The following GLIS3 variants were observed in gnomAD, a reference collection of about 807,000 sequenced individuals.
GLIS3 encodes zinc finger protein GLIS3.
Under a neutral mutation model 78.6 loss-of-function variants are expected in GLIS3, and 53 were observed. That is an observed-to-expected ratio of 0.67 (90% CI 0.54 to 0.85). GLIS3 has a LOEUF of 0.85. Among genes scored for constraint, GLIS3 ranks in the 40% least tolerant of loss-of-function variants. The pLI is 0.00. For synonymous variants in GLIS3, 684 were observed against 509.9 expected, an observed-to-expected ratio of 1.34 and a Z score of -4.60; for missense variants, 1,703 against 1,231.1, an observed-to-expected ratio of 1.38 and a Z score of -5.74.
At chr9:4,075,174 G>A (rs1020428097) in intron 4 of GLIS3, among the ~76,000 whole-genome samples, 3 of 150,522 alleles carry the variant, frequency 2.0e-5, no homozygotes, top group African/African-American at 7.5e-5. Context: ...ATGGTACCAC[G>A]AGTGTATGCA....
chr9:3,841,035 G>T (rs865899725), intron 9 of GLIS3, among the ~76,000 whole-genome samples: 2 of 152,146 alleles, frequency 1.3e-5, no homozygotes, highest in African/African-American at 4.8e-5. Context: ...GGGCAGAGCA[G>T]GTGGCTAAAA....
At chr9:4,205,928 T>C (rs1819835008) in intron 2 of GLIS3, among the ~76,000 whole-genome samples, 2 of 152,230 alleles carry the variant, frequency 1.3e-5, no homozygotes, top group Admixed American at 6.5e-5. Flanking sequence ...GGATCAGGTG[T>C]GGTCAACAGG....
chr9:4,215,817 T>A (rs777209671), intron 2 of GLIS3, among the ~76,000 whole-genome samples: 1 of 152,228 alleles, frequency 6.6e-6, no homozygotes, highest in Non-Finnish European at 1.5e-5. Context: ...AGTATGACAA[T>A]ACTTGGTTGG....
the GLIS3 span, among the ~76,000 whole-genome samples, chr9:4,368,571 T>A: frequency 6.6e-6 from 1 of 152,208 alleles, no homozygotes; most frequent in Non-Finnish European, 1.5e-5. Context: ...CAGGATGGTC[T>A]CCATCTCCTG....
the GLIS3 span, among the ~76,000 whole-genome samples, chr9:4,381,779 TA>T: frequency 1.3e-5 from 2 of 152,252 alleles, no homozygotes; most frequent in Non-Finnish European, 2.9e-5. Context: ...ACTCCTTTAC[TA>T]CCTGGCTTTC....
chr9:3,830,334 C>T (rs1817973050), intron 9 of GLIS3, among the ~76,000 whole-genome samples: 1 of 152,104 alleles, frequency 6.6e-6, no homozygotes, highest in South Asian at 2.1e-4. Flanking sequence ...TTTAAGTCAA[C>T]AGATTATTTT....
chr9:4,078,042 G>A (rs1292900503), intron 4 of GLIS3, among the ~76,000 whole-genome samples: 1 of 152,076 alleles, frequency 6.6e-6, no homozygotes, highest in Non-Finnish European at 1.5e-5. Flanking sequence ...AAAATGACTG[G>A]TGTGATTCCA....
In GLIS3 at chr9:4,294,306, C is replaced by T. The variant is rs144224845; in HGVS notation, c.-99+5115G>A. Among the ~76,000 whole-genome samples the T allele has an allele frequency of 3.5e-3, 528 of 152,238 alleles. 2 individuals are homozygous for T. The highest frequency in any genetic ancestry group is 0.012 in the African/African-American group (487 of 41,542). ...GGTGGATCACCTGAGGTCAGGAGTTCGAGACCAGTCTGACTAACACAGTGA... is the reference window on the plus strand; with the variant it reads ...GGTGGATCACCTGAGGTCAGGAGTTTGAGACCAGTCTGACTAACACAGTGA... On this transcript the variant is annotated intron_variant, in intron 1 of 10. Transcript: ENST00000381971.
intron 6 of GLIS3, among the ~76,000 whole-genome samples, chr9:3,930,673 G>A (rs557154137): frequency 6.6e-6 from 1 of 152,070 alleles, no homozygotes; most frequent in African/African-American, 2.4e-5. Flanking sequence ...TCTAGATAGG[G>A]GACCGATACT....
chr9:4,280,215 G>C (rs1019640256), intron 2 of GLIS3, among the ~76,000 whole-genome samples: 1 of 152,160 alleles, frequency 6.6e-6, no homozygotes, highest in East Asian at 1.9e-4. Flanking sequence ...AGAGAGAGGG[G>C]TCTCACTTTG....
chr9:4,121,648 CACACACACACACA>C (rs1832193300), intron 3 of GLIS3, among the ~76,000 whole-genome samples: 3 of 151,874 alleles, frequency 2.0e-5, no homozygotes, highest in African/African-American at 7.3e-5. Context: ...CACACACACA[CACACACACACACA>C]CCCCAAAGTT....
chr9:4,406,585 C>A, the GLIS3 span, among the ~76,000 whole-genome samples: 1 of 152,110 alleles, frequency 6.6e-6, no homozygotes, highest in Non-Finnish European at 1.5e-5. Context: ...ACTATTTGAA[C>A]TGATAAATTC....
intron 4 of GLIS3, among the ~76,000 whole-genome samples, chr9:3,957,012 T>C (rs921022880): frequency 2.6e-5 from 4 of 152,220 alleles, no homozygotes; most frequent in Non-Finnish European, 5.9e-5. Context: ...ACTCGCAGCA[T>C]GGCATCAGCA....
intron 2 of GLIS3, among the ~76,000 whole-genome samples, chr9:4,143,680 G>A (rs750693229): frequency 5.9e-5 from 9 of 152,110 alleles, no homozygotes; most frequent in Admixed American, 1.3e-4. Context: ...GAACTTATTC[G>A]TCTTGCATAC....
chr9:4,211,418 C>A (rs979451393), intron 2 of GLIS3, among the ~76,000 whole-genome samples: 6 of 152,152 alleles, frequency 3.9e-5, no homozygotes, highest in Non-Finnish European at 5.9e-5. Flanking sequence ...TCAAGCCTTG[C>A]CACCATCTCA....
At chr9:4,031,434 G>C (rs1248759644) in intron 4 of GLIS3, among the ~76,000 whole-genome samples, 1 of 152,182 alleles carries the variant, frequency 6.6e-6, no homozygotes, top group Non-Finnish European at 1.5e-5. Context: ...CCCAGATTAT[G>C]CAAGTACATA....
intron 2 of GLIS3, among the ~76,000 whole-genome samples, chr9:4,167,980 G>T (rs973117090): frequency 2.0e-5 from 3 of 152,206 alleles, no homozygotes; most frequent in Non-Finnish European, 4.4e-5. Flanking sequence ...CTGCAAGGAG[G>T]CAAGGAACCA....
chr9:3,847,869 TCAATC>T (rs1301341163), intron 9 of GLIS3, among the ~76,000 whole-genome samples: 1 of 152,222 alleles, frequency 6.6e-6, no homozygotes, highest in Non-Finnish European at 1.5e-5. Flanking sequence ...AATCTAATCA[TCAATC>T]CCTGGTACTG....
intron 2 of GLIS3, among the ~76,000 whole-genome samples, chr9:4,203,976 G>A (rs984290837): frequency 1.3e-5 from 2 of 152,098 alleles, no homozygotes; most frequent in Non-Finnish European, 2.9e-5. Context: ...AGAGAAATGG[G>A]GCAAGGGTTG....
Sources: gnomAD v4.1 joint callset for allele counts (sites outside exome capture counted in the v4.1 genomes callset) on GRCh38, gnomAD v4.1.1 for gene constraint, MANE v1.5 for transcripts, NCBI Gene and HGNC (gene_info 2026-07-23, HGNC 2026-07-21) for gene names.